The following KIAA1549L variants were observed in gnomAD, a reference collection of about 807,000 sequenced individuals.
KIAA1549L encodes the protein UPF0606 protein KIAA1549L.
A neutral mutation model predicts 160.7 loss-of-function variants in KIAA1549L; 88 were observed. The observed-to-expected ratio is 0.55, with a 90% CI of 0.46 to 0.65. KIAA1549L has a LOEUF of 0.65. Among genes scored for constraint, KIAA1549L ranks in the 30% least tolerant of loss-of-function variants. KIAA1549L has a pLI of 0.00. For missense variants in KIAA1549L, 2,258 were observed against 2,437.5 expected (o/e 0.93, Z 1.55); for synonymous variants, 950 against 976.7 (o/e 0.97, Z 0.51).
At chr11:33,409,612 A>G (rs927080707) in intron 1 of KIAA1549L, among the ~76,000 whole-genome samples, 3 of 152,182 alleles carry the variant, frequency 2.0e-5, no homozygotes, top group Admixed American at 1.3e-4. Context: ...AATCAAGGTC[A>G]TTCTGCTTAC....
At chr11:33,524,776 A>C (rs1853575691) in intron 1 of KIAA1549L, among the ~76,000 whole-genome samples, 1 of 152,180 alleles carries the variant, frequency 6.6e-6, no homozygotes, top group African/African-American at 2.4e-5. Flanking sequence ...TTTGTGATAA[A>C]TCTTAATGGG....
At chr11:33,661,190 C>T (rs1387690904) in intron 20 of KIAA1549L, among the ~76,000 whole-genome samples, 176 bp downstream of exon 20, 1 of 152,244 alleles carries the variant, frequency 6.6e-6, no homozygotes, top group African/African-American at 2.4e-5. Context: ...GGGATGTCCC[C>T]TTGACAGAGG....
intron 13 of KIAA1549L, among the ~76,000 whole-genome samples, chr11:33,603,869 G>A (rs768423692): frequency 6.6e-6 from 1 of 151,744 alleles, no homozygotes; most frequent in Non-Finnish European, 1.5e-5. Flanking sequence ...AGGGGAGAGG[G>A]ACTAAATGAG....
intron 1 of KIAA1549L, among the ~76,000 whole-genome samples, chr11:33,377,924 T>TA (rs1590208319): frequency 6.6e-6 from 1 of 152,204 alleles, no homozygotes; most frequent in Non-Finnish European, 1.5e-5. Flanking sequence ...TCGATTCACT[T>TA]AAAGAGTCAC....
chr11:33,568,343 C>A, intron 9 of KIAA1549L, 116 bp downstream of exon 9: 1 of 954,178 alleles, frequency 1.0e-6, no homozygotes, highest in Non-Finnish European at 1.5e-6. Flanking sequence ...TGCCAACTGA[C>A]TAAGCCATTT....
At chr11:33,467,144 T>G (rs1182900302) in intron 1 of KIAA1549L, among the ~76,000 whole-genome samples, 1 of 152,160 alleles carries the variant, frequency 6.6e-6, no homozygotes, top group Non-Finnish European at 1.5e-5. Flanking sequence ...AACTTTTTTC[T>G]TATTTTCTTT....
Position 33,551,468 on chromosome 11 carries a change from A to G in KIAA1549L, c.3721+209A>G, listed in dbSNP as rs543226415. ...ACCCTAGATTTGTTAGAAATGTTCT[A>G]TCATAGGAGCCTTCCTTCCCAATTT... On this transcript the variant is annotated intron_variant, in intron 5 of 20. Transcript: ENST00000658780. Among the ~76,000 whole-genome samples, 11 of 152,268 alleles carry G rather than the reference A, an allele frequency of 7.2e-5. No homozygotes were observed. In the South Asian group the frequency reaches 1.5e-3, roughly 20 times the overall value.
chr11:33,382,674 A>G (rs1349771846), intron 1 of KIAA1549L, among the ~76,000 whole-genome samples: 17 of 152,034 alleles, frequency 1.1e-4, no homozygotes, highest in Non-Finnish European at 5.9e-5. Flanking sequence ...TTGACTTTTT[A>G]CTCTGAGTAT....
chr11:33,514,724 CTT>C (rs555525212), intron 1 of KIAA1549L, among the ~76,000 whole-genome samples: 165 of 152,260 alleles, frequency 1.1e-3, no homozygotes, highest in African/African-American at 3.8e-3. Context: ...GTTTTAAAGG[CTT>C]TACCATCTGG....
chr11:33,601,952 A>G (rs2133311543), intron 13 of KIAA1549L, among the ~76,000 whole-genome samples: 1 of 152,342 alleles, frequency 6.6e-6, no homozygotes, highest in African/African-American at 2.4e-5. Flanking sequence ...GAAAGCAAAA[A>G]GAGTTTGGTG....
chr11:33,654,452 G>A (rs542397447), intron 17 of KIAA1549L, among the ~76,000 whole-genome samples: 58 of 152,052 alleles, frequency 3.8e-4, no homozygotes, highest in African/African-American at 1.3e-3. Flanking sequence ...CATCTTAATC[G>A]GTGCTAATCC....
intron 6 of KIAA1549L, among the ~76,000 whole-genome samples, chr11:33,559,472 C>T (rs971569848): frequency 1.3e-5 from 2 of 152,154 alleles, no homozygotes; most frequent in African/African-American, 4.8e-5. Context: ...TTCTGGGCCT[C>T]GGTTTCCTCA....
At chr11:33,404,126 T>G (rs1850595833) in intron 1 of KIAA1549L, among the ~76,000 whole-genome samples, 1 of 152,180 alleles carries the variant, frequency 6.6e-6, no homozygotes, top group South Asian at 2.1e-4. Flanking sequence ...TTGCAGAATC[T>G]CAGGGAGGGT....
rs558262934 is a variant in KIAA1549L, at chr11:33,590,476, T to C, written c.4567-761T>C. Among the ~76,000 whole-genome samples, 10 of 152,342 alleles carry C rather than the reference T, an allele frequency of 6.6e-5. No individual in the cohort carries two copies. The South Asian group carries it at 2.1e-3, about 32-fold the overall frequency. On this transcript the variant is annotated intron_variant, in intron 11 of 20. Coordinates refer to ENST00000658780, the MANE Select transcript of KIAA1549L (RefSeq NM_012194.3). ...GTCTTGGTTTTCATTACCACACTAC[T>C]AGATGTCTGTTGGATTTTGCTCAGA...
chr11:33,465,450 C>T (rs1852037515), intron 1 of KIAA1549L, among the ~76,000 whole-genome samples: 1 of 152,166 alleles, frequency 6.6e-6, no homozygotes. Flanking sequence ...GGGTTCTCAT[C>T]CTGCATGCAT....
chr11:33,439,250 C>G (rs950197236), intron 1 of KIAA1549L, among the ~76,000 whole-genome samples: 1 of 151,918 alleles, frequency 6.6e-6, no homozygotes, highest in Non-Finnish European at 1.5e-5. Context: ...CCTTCTTTAA[C>G]TATGGTTTTT....
At chr11:33,408,033 G>A (rs368934845) in intron 1 of KIAA1549L, among the ~76,000 whole-genome samples, 113 of 152,140 alleles carry the variant, frequency 7.4e-4, no homozygotes, top group African/African-American at 2.5e-3. Flanking sequence ...AAACAAGACA[G>A]TTTCCTTCTC....
chr11:33,449,086 C>A (rs985578402), intron 1 of KIAA1549L, among the ~76,000 whole-genome samples: 3 of 152,170 alleles, frequency 2.0e-5, no homozygotes, highest in Non-Finnish European at 2.9e-5. Context: ...AAAAAGTTAA[C>A]AGTGATTGTC....
chr11:33,498,801 A>G (rs1177545661), intron 1 of KIAA1549L, among the ~76,000 whole-genome samples: 2 of 152,208 alleles, frequency 1.3e-5, no homozygotes, highest in Non-Finnish European at 2.9e-5. Flanking sequence ...GTGATCTACC[A>G]TAGTGAGGAA....
Sources: allele counts gnomAD v4.1 joint callset (sites outside exome capture counted in the v4.1 genomes callset), GRCh38; gene constraint gnomAD v4.1.1; transcripts MANE v1.5; gene names NCBI Gene and HGNC (gene_info 2026-07-23, HGNC 2026-07-21).